Variants in CASTOR1 observed in about 807,000 individuals in gnomAD.
CASTOR1 encodes the protein GATS protein like 3.
Under a neutral mutation model 33.7 loss-of-function variants are expected in CASTOR1, and 18 were observed. The ratio of observed to expected loss-of-function variants is 0.53; its 90% CI spans 0.37 to 0.79. The LOEUF is 0.79. CASTOR1 is among the 30% of genes least tolerant of loss of function. The pLI, the probability that CASTOR1 is intolerant of heterozygous loss-of-function variation, is 0.00. For synonymous variants in CASTOR1, 175 were observed against 190.6 expected (o/e 0.92, Z 0.67); for missense variants, 362 against 446.3 (o/e 0.81, Z 1.70).
Position 30,287,418 on chromosome 22 carries a change from G to A in CASTOR1, c.327C>T (p.His109=), listed in dbSNP as rs1929807081. 4 of 1,613,462 alleles carry A rather than the reference G, an allele frequency of 2.5e-6. No homozygotes were observed. Among genetic ancestry groups the A allele is most frequent in the African/African-American group, 1.3e-5 (1 of 75,060 alleles). The stretch of plus-strand genomic sequence containing the variant: ...AAGTGGACAGCATCAGCACAGACAC[G>A]TGGTGCTCGGCCAGTGGCGCGATGA... ...RSVIAPLAEH[H]VSVLMLSTYQ... Residue 109 remains histidine (H), a synonymous_variant, in exon 3 of 9, where the codon CAC becomes CAT. Transcript: ENST00000407689.
At chr22:30,288,623 G>T in intron 2 of CASTOR1, 83 bp downstream of exon 2, 1 of 1,219,258 alleles carries the variant, frequency 8.2e-7, no homozygotes, top group Non-Finnish European at 1.2e-6. Context: ...TCTTGGGACG[G>T]ATCCCAGCAA....
In CASTOR1 at chr22:30,288,702, C is replaced by T. The variant is rs755683631; in HGVS notation, c.184+4G>A. The stretch of plus-strand genomic sequence containing the variant: ...GTACTCCCGTTCCCCAGACCAACCC[C>T]CACCTTTAAAGCCCTCCTCGTCCAC... On this transcript the variant is annotated splice_donor_region_variant and intron_variant, in intron 2 of 8. Coordinates refer to ENST00000407689, the MANE Select transcript of CASTOR1 (RefSeq NM_001037666.3). 2 of 1,611,690 alleles carry T rather than the reference C, an allele frequency of 1.2e-6. No homozygotes were observed. The highest frequency in any genetic ancestry group is 1.7e-6 in the Non-Finnish European group (2 of 1,179,012).
chr22:30,288,476 T>C (rs1206656178), intron 2 of CASTOR1, among the ~76,000 whole-genome samples: 1 of 152,152 alleles, frequency 6.6e-6, no homozygotes, highest in Non-Finnish European at 1.5e-5. Context: ...GGACCCTATG[T>C]ATCAGAACCA....
chr22:30,285,822 T>TGGTGCTCCCCCTGCCCCAGCCCTC lies in CASTOR1; in HGVS notation c.921+9_921+10insGAGGGCTGGGGCAGGGGGAGCACC. 6.2e-7 allele frequency: 1 copy of TGGTGCTCCCCCTGCCCCAGCCCTC among 1,602,978 alleles called. No individual in the cohort carries two copies. Among genetic ancestry groups the TGGTGCTCCCCCTGCCCCAGCCCTC allele is most frequent in the Non-Finnish European group, 8.5e-7 (1 of 1,174,350 alleles). ...TCACTCTCCCCTCTGCCCCAGCCCT[T>TGGTGCTCCCCCTGCCCCAGCCCTC]GGTGCTCACCAGGGCGTGGTCGAAG... On this transcript the variant is annotated intron_variant, in intron 8 of 8. Coordinates refer to ENST00000407689, the MANE Select transcript of CASTOR1 (RefSeq NM_001037666.3).
In CASTOR1 at chr22:30,286,979, G is replaced by A. The variant is rs757929743; in HGVS notation, c.506-31C>T. 128 of 1,589,570 alleles carry A rather than the reference G, an allele frequency of 8.1e-5. 1 individual carries two copies. The South Asian group carries it at 9.5e-4, about 12-fold the overall frequency. Reference sequence around the variant, plus strand: ...GGAGGACAGCAGCAGGTGAAAAGGTGTCCGTGGGCTGGGGCGCCCCCTGGT... The same window carrying A: ...GGAGGACAGCAGCAGGTGAAAAGGTATCCGTGGGCTGGGGCGCCCCCTGGT... On this transcript the variant is annotated intron_variant, in intron 4 of 8. Transcript: ENST00000407689.
At chr22:30,286,995 GC>G in intron 4 of CASTOR1, 47 bp from the exon 5 acceptor site, 1 of 1,576,294 alleles carries the variant, frequency 6.3e-7, no homozygotes, top group Non-Finnish European at 8.6e-7. Flanking sequence ...GGGCTGGGGC[GC>G]CCCCTGGTGG....
intron 1 of CASTOR1, 158 bp from the exon 2 acceptor site, chr22:30,288,934 A>C: frequency 1.8e-6 from 1 of 568,210 alleles, no homozygotes; most frequent in Non-Finnish European, 3.1e-6. Flanking sequence ...TGTTAGCCCC[A>C]TCTCGGGGGT....
At chr22:30,289,158 C>G in intron 1 of CASTOR1, 1 of 582,970 alleles carries the variant, frequency 1.7e-6, no homozygotes, top group Non-Finnish European at 3.0e-6. Flanking sequence ...CTGAGTTAAG[C>G]ATTGCCCATC....
In CASTOR1 at chr22:30,286,934, C is replaced by T; in HGVS notation, c.520G>A (p.Val174Met). 1 of 1,613,020 alleles carries T rather than the reference C, an allele frequency of 6.2e-7. No individual in the cohort carries two copies. The highest frequency in any genetic ancestry group is 8.5e-7 in the Non-Finnish European group (1 of 1,179,198). ...PRTQHGPSPTVHPIQSPQNRF... is the reference protein window; with the variant it reads ...PRTQHGPSPTMHPIQSPQNRF... Reference sequence around the variant, plus strand: ...TTCTGTGGGCTCTGGATGGGATGCACCGTGGGGCTGGGCCCTGCTGGAGGA... The same window carrying T: ...TTCTGTGGGCTCTGGATGGGATGCATCGTGGGGCTGGGCCCTGCTGGAGGA... The change falls in exon 5 of 9, where the codon GTG becomes ATG. Residue 174 changes from valine (V) to methionine (M), a missense_variant. Physicochemically the swap from Val to Met is conservative, Grantham distance 21. Transcript: ENST00000407689.
In CASTOR1 at chr22:30,286,913, G is replaced by C. The variant is rs1929787830; in HGVS notation, c.541C>G (p.Gln181Glu). The C allele has an allele frequency of 6.2e-7, 1 of 1,614,014 alleles. No homozygotes were observed. Reference protein sequence around the residue: ...SPTVHPIQSPQNRFCVLTLDP... With the variant: ...SPTVHPIQSPENRFCVLTLDP... ...AGTGTGAGGACACAGAAGCGGTTCT[G>C]TGGGCTCTGGATGGGATGCACCGTG... is the stretch of plus-strand genomic sequence containing the variant. Residue 181 changes from glutamine (Q) to glutamate (E), a missense_variant, in exon 5 of 9, where the codon CAG (glutamine) becomes GAG (glutamate). Coordinates refer to ENST00000407689, the MANE Select transcript of CASTOR1 (RefSeq NM_001037666.3).
Position 30,285,836 on chromosome 22 carries a change from G to C in CASTOR1, c.917C>G (p.Ala306Gly), listed in dbSNP as rs757402615. The C allele has an allele frequency of 7.1e-6, 3 of 423,048 alleles. No homozygotes were observed. The highest frequency in any genetic ancestry group is 3.1e-6 in the Non-Finnish European group (1 of 319,682). 26.2% of individuals were successfully genotyped at this position (423,048 alleles called of 1,614,324 possible). ...GCCCCAGCCCTTGGTGCTCACCAGGGCGTGGTCGAAGTTGAAGGTGCTGAT... is the reference window on the plus strand; with the variant it reads ...GCCCCAGCCCTTGGTGCTCACCAGGCCGTGGTCGAAGTTGAAGGTGCTGAT... ...YYISTFNFDHALVPEDGIGSV... is the reference protein window; with the variant it reads ...YYISTFNFDHGLVPEDGIGSV... The change falls in exon 8 of 9, where the codon GCC (alanine) becomes GGC (glycine). Residue 306 changes from alanine (A) to glycine (G), a missense_variant. Coordinates refer to ENST00000407689, the MANE Select transcript of CASTOR1 (RefSeq NM_001037666.3).
At chr22:30,288,930 C>A in intron 1 of CASTOR1, 154 bp from the exon 2 acceptor site, 1 of 603,444 alleles carries the variant, frequency 1.7e-6, no homozygotes, top group Non-Finnish European at 2.9e-6. Context: ...GGGATGTTAG[C>A]CCCATCTCGG....
intron 2 of CASTOR1, 56 bp downstream of exon 2, chr22:30,288,650 A>G (rs1184881374): frequency 2.0e-6 from 3 of 1,463,606 alleles, no homozygotes; most frequent in Non-Finnish European, 2.9e-6. Context: ...AGAACCCTAC[A>G]GAAGGGGAGC....
Position 30,286,013 on chromosome 22 carries a change from C to T in CASTOR1, c.826+3G>A. 1 of 1,595,144 alleles carries T rather than the reference C, an allele frequency of 6.3e-7. No individual in the cohort carries two copies. Among genetic ancestry groups the T allele is most frequent in the Non-Finnish European group, 8.5e-7 (1 of 1,170,842 alleles). On this transcript the variant is annotated splice_donor_region_variant and intron_variant, in intron 7 of 8. Coordinates refer to ENST00000407689, the MANE Select transcript of CASTOR1 (RefSeq NM_001037666.3). The stretch of plus-strand genomic sequence containing the variant: ...GCCCCCCAACACCGGGAACAGCCCT[C>T]ACCAAAGCCCAGGGGCTGTCCACCG...
At chr22:30,288,911 C>T (rs1245459492) in intron 1 of CASTOR1, 135 bp from the exon 2 acceptor site, 1 of 640,002 alleles carries the variant, frequency 1.6e-6, no homozygotes, top group Non-Finnish European at 2.6e-6. Flanking sequence ...CTTTAATTTC[C>T]AGGCCAATGG....
chr22:30,287,013 A>C, intron 4 of CASTOR1, 65 bp from the exon 5 acceptor site: 2 of 1,569,546 alleles, frequency 1.3e-6, no homozygotes, highest in Non-Finnish European at 1.7e-6. Context: ...GTGGCTAGTC[A>C]GGGAGAGGCG....
At chr22:30,286,990 G>A (rs1929791246) in intron 4 of CASTOR1, 42 bp from the exon 5 acceptor site, 10 of 1,581,608 alleles carry the variant, frequency 6.3e-6, no homozygotes, top group Non-Finnish European at 7.7e-6. Flanking sequence ...TCCGTGGGCT[G>A]GGGCGCCCCC....
At position 30,287,396 on chromosome 22, in the gene CASTOR1, T is replaced by C; in HGVS notation, c.349A>G (p.Thr117Ala). The C allele has an allele frequency of 1.2e-6, 2 of 1,612,982 alleles. No homozygotes were observed. Among genetic ancestry groups the C allele is most frequent in the South Asian group, 1.1e-5 (1 of 91,046 alleles). ...EHHVSVLMLS[T>A]YQTDFILVRE... is the part of the protein sequence containing the mutation. ...ACCAGGATGAAGTCCGTCTGGTAAG[T>C]GGACAGCATCAGCACAGACACGTGG... Residue 117 changes from threonine to alanine, a missense_variant, in exon 3 of 9, where the codon ACT becomes GCT. Coordinates refer to ENST00000407689, the MANE Select transcript of CASTOR1 (RefSeq NM_001037666.3).
intron 1 of CASTOR1, 101 bp from the exon 2 acceptor site, chr22:30,288,877 C>G: frequency 1.1e-6 from 1 of 948,488 alleles, no homozygotes; most frequent in Admixed American, 2.9e-5. Flanking sequence ...GACCCTGGGC[C>G]GGGCGCCTTC....
Sources: gnomAD v4.1 joint callset for allele counts (sites outside exome capture counted in the v4.1 genomes callset) on GRCh38, gnomAD v4.1.1 for gene constraint, MANE v1.5 for transcripts, NCBI Gene and HGNC (gene_info 2026-07-23, HGNC 2026-07-21) for gene names.